Variants in HDAC2 observed in about 807,000 individuals in gnomAD.
The protein encoded by HDAC2 is histone deacetylase 2, also known as YY1-associated factor 1.
Under a neutral mutation model 68.5 loss-of-function variants are expected in HDAC2, and 5 were observed. The ratio of observed to expected loss-of-function variants is 0.07; its 90% CI spans 0.04 to 0.15. The LOEUF is 0.15. Among genes scored for constraint, HDAC2 ranks in the 10% least tolerant of loss-of-function variants. The pLI, the probability that HDAC2 is intolerant of heterozygous loss-of-function variation, is 1.00. For synonymous variants in HDAC2, 182 were observed against 191.3 expected, an observed-to-expected ratio of 0.95 and a Z score of 0.40; for missense variants, 291 against 600.8, an observed-to-expected ratio of 0.48 and a Z score of 5.39.
chr6:113,969,549 G>GA (rs1776923395), intron 1 of HDAC2, among the ~76,000 whole-genome samples: 1 of 152,176 alleles, frequency 6.6e-6, no homozygotes, highest in Non-Finnish European at 1.5e-5. Flanking sequence ...GGACTTTCAG[G>GA]AGAAGGAGCC....
In HDAC2 at chr6:113,938,551, T is replaced by A. The variant is rs1034684404; in HGVS notation, c.*2507A>T. On this transcript the variant is annotated 3_prime_UTR_variant, in exon 14 of 14. Transcript: ENST00000519065. ...ATCTTTTCCTATTTAAATCTTCTAGTGGAGGGCAGAAAACTGGGTTTTCCA... is the reference window on the plus strand; with the variant it reads ...ATCTTTTCCTATTTAAATCTTCTAGAGGAGGGCAGAAAACTGGGTTTTCCA... 5.3e-5 allele frequency: 8 copies of A among 152,206 alleles called. No homozygotes were observed. In the South Asian group the frequency reaches 6.2e-4, roughly 12 times the overall value. The allele number at this position is 152,206 out of a possible 1,614,324, so 9.4% of individuals were successfully genotyped here.
chr6:113,960,601 G>C (rs1188758802), intron 1 of HDAC2, among the ~76,000 whole-genome samples: 1 of 151,942 alleles, frequency 6.6e-6, no homozygotes, highest in Non-Finnish European at 1.5e-5. Flanking sequence ...CATTCTTCAT[G>C]ACTAAAAAGT....
At chr6:113,949,303 TA>T (rs1220295158) in intron 6 of HDAC2, 43 bp from the exon 7 acceptor site, 1 of 1,260,182 alleles carries the variant, frequency 7.9e-7, no homozygotes, top group Admixed American at 1.8e-5. Flanking sequence ...TATTCTATAA[TA>T]AAAAGTTTGG....
At chr6:113,967,696 G>A (rs1416250045) in intron 1 of HDAC2, among the ~76,000 whole-genome samples, 2 of 152,200 alleles carry the variant, frequency 1.3e-5, no homozygotes, top group East Asian at 1.9e-4. Flanking sequence ...TATTAAAAAT[G>A]TGAGTGGTAT....
chr6:113,970,386 G>C (rs1776956446), intron 1 of HDAC2: 1 of 903,268 alleles, frequency 1.1e-6, no homozygotes, highest in South Asian at 4.9e-5. Context: ...TCTCGCGGCC[G>C]CGGGGCTTTG....
At chr6:113,963,387 T>C (rs1776737159) in intron 1 of HDAC2, among the ~76,000 whole-genome samples, 1 of 152,154 alleles carries the variant, frequency 6.6e-6, no homozygotes, top group Non-Finnish European at 1.5e-5. Context: ...CCCAGCCCAC[T>C]TTTTCATAAA....
At position 113,953,347 on chromosome 6, in the gene HDAC2, G is replaced by T; in HGVS notation, c.569C>A (p.Thr190Lys). 1 of 1,594,190 alleles carries T rather than the reference G, an allele frequency of 6.3e-7. No individual in the cohort carries two copies. ...HGDGVEEAFY[T>K]TDRVMTVSFH... is the part of the protein sequence containing the mutation. ...TGATACCGTCATTACACGATCTGTT[G>T]TATAAAAAGCTTCTTCAACACCATC... The change falls in exon 6 of 14, where the codon ACA (threonine) becomes AAA (lysine). Residue 190 changes from threonine (T) to lysine (K), a missense_variant. By Grantham distance (78) the Thr-to-Lys change is moderately conservative. Transcript: ENST00000519065.
intron 8 of HDAC2, 60 bp from the exon 9 acceptor site, chr6:113,946,208 A>C: frequency 7.1e-7 from 1 of 1,416,554 alleles, no homozygotes; most frequent in Non-Finnish European, 9.7e-7. Context: ...TCGAAAAATA[A>C]ATTTTAAAAA....
At chr6:113,943,553 T>G in intron 11 of HDAC2, 47 bp from the exon 12 acceptor site, 10 of 1,483,326 alleles carry the variant, frequency 6.7e-6, no homozygotes, top group African/African-American at 1.4e-5. Context: ...GTCACAGGTT[T>G]TATAATCATT....
chr6:113,970,703 C>G, intron 1 of HDAC2, 154 bp downstream of exon 1: 1 of 1,389,450 alleles, frequency 7.2e-7, no homozygotes, highest in South Asian at 1.6e-5. Context: ...GGGTCTCGTT[C>G]TAACTGTGCC....
intron 1 of HDAC2, among the ~76,000 whole-genome samples, chr6:113,964,901 T>C (rs1333951818): frequency 1.3e-5 from 2 of 152,180 alleles, no homozygotes; most frequent in East Asian, 3.9e-4. Flanking sequence ...CTAACACCAT[T>C]CCTCAGCTCC....
In HDAC2 at chr6:113,935,066, G is replaced by T. The variant is rs1371725256; in HGVS notation, c.*5992C>A. On this transcript the variant is annotated 3_prime_UTR_variant, in exon 14 of 14. Transcript: ENST00000519065. Reference sequence around the variant, plus strand: ...ACTTTGGAAATACTGGTGAATGGTAGATCTCCCATCCTCATGCTTGGAGGG... The same window carrying T: ...ACTTTGGAAATACTGGTGAATGGTATATCTCCCATCCTCATGCTTGGAGGG... 4.6e-5 allele frequency: 7 copies of T among 152,212 alleles called. No individual in the cohort carries two copies. The South Asian group carries it at 1.0e-3, about 23-fold the overall frequency. The allele number at this position is 152,212 out of a possible 1,614,324, so 9.4% of individuals were successfully genotyped here.
intron 5 of HDAC2, 101 bp downstream of exon 5, chr6:113,955,912 C>G: frequency 1.3e-6 from 1 of 796,126 alleles, no homozygotes; most frequent in East Asian, 3.0e-5. Context: ...CTATTTCAAC[C>G]TATGGTTTAC....
rs1391828997 is a variant in HDAC2, at chr6:113,937,646, G to C, written c.*3412C>G. On this transcript the variant is annotated 3_prime_UTR_variant, in exon 14 of 14. Coordinates refer to ENST00000519065, the MANE Select transcript of HDAC2 (RefSeq NM_001527.4). Reference sequence around the variant, plus strand: ...GAGAATCGCTTGAGCCTAGGAGTTTGTGACCAGCCTGGGCAACACAGGGAG... The same window carrying C: ...GAGAATCGCTTGAGCCTAGGAGTTTCTGACCAGCCTGGGCAACACAGGGAG... 6.6e-6 allele frequency: 1 copy of C among 152,346 alleles called. No homozygotes were observed. Among genetic ancestry groups the C allele is most frequent in the Non-Finnish European group, 1.5e-5 (1 of 68,174 alleles). The allele number at this position is 152,346 out of a possible 1,614,324, so 9.4% of individuals were successfully genotyped here. A position where few individuals can be genotyped will look rare whatever the true frequency, so the allele number is the denominator to read the frequency against.
chr6:113,956,198 A>T, intron 4 of HDAC2, 47 bp from the exon 5 acceptor site: 1 of 1,506,062 alleles, frequency 6.6e-7, no homozygotes, highest in East Asian at 2.3e-5. Flanking sequence ...TATCATAAAA[A>T]AGTAGTAGAA....
chr6:113,962,412 T>C (rs1776705872), intron 1 of HDAC2: 1 of 790,272 alleles, frequency 1.3e-6, no homozygotes, highest in South Asian at 5.7e-5. Context: ...AAAGACATAA[T>C]ATGAAATATA....
chr6:113,967,409 A>G (rs1776850488), intron 1 of HDAC2, among the ~76,000 whole-genome samples: 1 of 152,146 alleles, frequency 6.6e-6, no homozygotes, highest in South Asian at 2.1e-4. Flanking sequence ...GATTATAGGC[A>G]TGAGCCACCA....
chr6:113,951,992 T>C (rs1776431041), intron 6 of HDAC2, among the ~76,000 whole-genome samples: 1 of 152,220 alleles, frequency 6.6e-6, no homozygotes, highest in Non-Finnish European at 1.5e-5. Context: ...TGTCTTATTC[T>C]TTAAGCTTAA....
intron 1 of HDAC2, chr6:113,970,576 A>G (rs1010059690): frequency 3.5e-5 from 44 of 1,247,854 alleles, no homozygotes; most frequent in Non-Finnish European, 4.1e-5. Flanking sequence ...CGCCGTCCCC[A>G]GCGGCGGCCA....
Sources: allele counts gnomAD v4.1 joint callset (sites outside exome capture counted in the v4.1 genomes callset), GRCh38; gene constraint gnomAD v4.1.1; transcripts MANE v1.5; gene names NCBI Gene and HGNC (gene_info 2026-07-23, HGNC 2026-07-21).